Variants in FARS2 observed in about 807,000 individuals in gnomAD.
FARS2 encodes phenylalanyl-tRNA synthetase 2, mitochondrial, also known as phenylalanine--tRNA ligase, mitochondrial.
Under a neutral mutation model 46.4 loss-of-function variants are expected in FARS2, and 40 were observed. That is an observed-to-expected ratio of 0.86 (90% CI 0.67 to 1.12). FARS2 has a LOEUF of 1.12. Among genes scored for constraint, FARS2 ranks in the 50% most tolerant of loss-of-function variants. FARS2 has a pLI of 0.00. For missense variants in FARS2, 513 were observed against 567.9 expected (o/e 0.90, Z 0.98); for synonymous variants, 234 against 214.9 (o/e 1.09, Z -0.78).
At chr6:5,584,542 C>T (rs1258072336) in intron 5 of FARS2, among the ~76,000 whole-genome samples, 3 of 151,834 alleles carry the variant, frequency 2.0e-5, no homozygotes, top group Non-Finnish European at 4.4e-5. Context: ...TTTTTCTCTC[C>T]CCTCTTCCCT....
Position 5,633,293 on chromosome 6 carries a change from T to G in FARS2, c.1217+19973T>G, listed in dbSNP as rs1056840344. ...TTTTTTTTTTTTTTTTTTTTTTTTT[T>G]GTGACAGAGTCTCGCTCTGTTGCCC... On this transcript the variant is annotated intron_variant, in intron 6 of 6. Transcript: ENST00000274680. Among the ~76,000 whole-genome samples the G allele has an allele frequency of 1.5e-3, 196 of 131,376 alleles. 1 individual carries two copies. The highest frequency in any genetic ancestry group is 1.8e-3 in the Non-Finnish European group (111 of 62,680). The allele number at this position is 131,376 out of a possible 152,430, so 86.2% of individuals were successfully genotyped here. A position where few individuals can be genotyped will look rare whatever the true frequency, so the allele number is the denominator to read the frequency against.
chr6:5,575,933 G>C (rs1488867607), intron 5 of FARS2, among the ~76,000 whole-genome samples: 1 of 152,074 alleles, frequency 6.6e-6, no homozygotes, highest in Admixed American at 6.5e-5. Context: ...GTGTCAGGAG[G>C]GGCATGATGT....
intron 5 of FARS2, among the ~76,000 whole-genome samples, chr6:5,600,261 G>A (rs1415137228): frequency 1.3e-5 from 2 of 152,150 alleles, no homozygotes; most frequent in African/African-American, 4.8e-5. Context: ...TCTGTCAAAA[G>A]TTAGGTACAA....
intron 6 of FARS2, among the ~76,000 whole-genome samples, chr6:5,631,373 G>A (rs551081213): frequency 6.6e-6 from 1 of 152,290 alleles, no homozygotes; most frequent in South Asian, 2.1e-4. Flanking sequence ...AAGACAACTA[G>A]TCTGAATGGA....
At chr6:5,313,434 T>G (rs1002225162) in intron 1 of FARS2, among the ~76,000 whole-genome samples, 2 of 152,230 alleles carry the variant, frequency 1.3e-5, no homozygotes, top group South Asian at 2.1e-4. Context: ...TTTTAGCTGA[T>G]TCCCGGCTGT....
At chr6:5,559,215 C>G (rs1771848854) in intron 5 of FARS2, among the ~76,000 whole-genome samples, 1 of 152,058 alleles carries the variant, frequency 6.6e-6, no homozygotes, top group Non-Finnish European at 1.5e-5. Context: ...CCAGCCTGGG[C>G]AACATAGAGA....
intron 4 of FARS2, among the ~76,000 whole-genome samples, chr6:5,501,423 T>C (rs577119564): frequency 2.0e-5 from 3 of 152,300 alleles, no homozygotes; most frequent in South Asian, 4.1e-4. Flanking sequence ...CCCAGGACAG[T>C]CCCAGTTAGT....
At chr6:5,267,956 A>C (rs552713139) in intron 1 of FARS2, among the ~76,000 whole-genome samples, 14,571 of 151,842 alleles carry the variant, frequency 0.096, 908 homozygotes, top group African/African-American at 0.18. Flanking sequence ...ATGGCCAGTG[A>C]TGATGAGCAT....
At chr6:5,655,003 A>G (rs9392704) in intron 6 of FARS2, among the ~76,000 whole-genome samples, 45,650 of 152,090 alleles carry the variant, frequency 0.3, 7,357 homozygotes, top group South Asian at 0.48. Flanking sequence ...TATAGTATAT[A>G]ATACATACGA....
At chr6:5,403,882 A>G (rs1213816129) in intron 2 of FARS2, among the ~76,000 whole-genome samples, 1 of 152,212 alleles carries the variant, frequency 6.6e-6, no homozygotes, top group Non-Finnish European at 1.5e-5. Context: ...GCTGTGGTTA[A>G]TAATCATGAA....
At chr6:5,260,725 G>A (rs569825514), upstream of FARS2, 2 of 1,550,452 alleles carry the variant, frequency 1.3e-6, no homozygotes, top group African/African-American at 1.4e-5. Flanking sequence ...CGCGACTGGA[G>A]GCTGCCATTT....
intron 6 of FARS2, among the ~76,000 whole-genome samples, chr6:5,686,282 A>C (rs1487670903): frequency 2.0e-5 from 3 of 151,930 alleles, no homozygotes; most frequent in Non-Finnish European, 4.4e-5. Context: ...TACATGTGCC[A>C]TGTTGGTGTG....
intron 6 of FARS2, among the ~76,000 whole-genome samples, chr6:5,621,758 T>C (rs945611898): frequency 6.6e-6 from 1 of 152,224 alleles, no homozygotes; most frequent in South Asian, 2.1e-4. Flanking sequence ...GACCCACTCA[T>C]GGTGGGTACT....
chr6:5,455,945 G>A (rs2503839), intron 4 of FARS2, among the ~76,000 whole-genome samples: 35,934 of 152,096 alleles, frequency 0.24, 4,652 homozygotes, highest in East Asian at 0.36. Flanking sequence ...GGCTGGGCGC[G>A]GTAGCTTATG....
At position 5,709,755 on chromosome 6, in the gene FARS2, CGT is replaced by C. The variant is rs1339859233; in HGVS notation, c.1218-61524_1218-61523del. ...TTGTGTGTGTGTGTGTGCGCGCGCG[CGT>C]GTGTGTGTGTGAGATTCTGATGTAG... On this transcript the variant is annotated intron_variant, in intron 6 of 6. Transcript: ENST00000274680. 9.6e-4 allele frequency among the ~76,000 whole-genome samples: 143 copies of C among 149,622 alleles called. 2 individuals carry two copies. Among genetic ancestry groups the C allele is most frequent in the African/African-American group, 3.1e-3 (125 of 40,572 alleles).
At chr6:5,409,659 G>A (rs1396676137) in intron 3 of FARS2, among the ~76,000 whole-genome samples, 2 of 152,200 alleles carry the variant, frequency 1.3e-5, no homozygotes, top group African/African-American at 2.4e-5. Flanking sequence ...TGGAATTAAA[G>A]TTTAAAAATC....
At chr6:5,500,837 G>A (rs908193223) in intron 4 of FARS2, among the ~76,000 whole-genome samples, 1 of 151,934 alleles carries the variant, frequency 6.6e-6, no homozygotes, top group African/African-American at 2.4e-5. Context: ...GGGTAGTTCT[G>A]GTATTTAGGA....
intron 5 of FARS2, among the ~76,000 whole-genome samples, chr6:5,565,420 C>T (rs1772269120): frequency 6.6e-6 from 1 of 152,122 alleles, no homozygotes; most frequent in African/African-American, 2.4e-5. Context: ...CATTTGAGAA[C>T]ACCTGTTAAA....
intron 4 of FARS2, among the ~76,000 whole-genome samples, chr6:5,472,559 A>G (rs1038783541): frequency 1.3e-5 from 2 of 152,192 alleles, no homozygotes; most frequent in African/African-American, 4.8e-5. Flanking sequence ...TCCTGGTTTT[A>G]TTGCACCTTT....
Sources: gnomAD v4.1 joint callset for allele counts (sites outside exome capture counted in the v4.1 genomes callset) on GRCh38, gnomAD v4.1.1 for gene constraint, MANE v1.5 for transcripts, NCBI Gene and HGNC (gene_info 2026-07-23, HGNC 2026-07-21) for gene names.